Variants in NCAPH observed in about 807,000 individuals in gnomAD.
NCAPH encodes non-SMC condensin I complex subunit H.
NCAPH carries 38 observed loss-of-function variants against 85.5 expected under a neutral mutation model. That is an observed-to-expected ratio of 0.44 (90% CI 0.34 to 0.58). The LOEUF (loss-of-function observed/expected upper bound fraction) is 0.58, where lower values mean the gene tolerates loss of function less well. Ranked by LOEUF, NCAPH falls within the 20% of genes least tolerant of loss-of-function variation. NCAPH has a pLI of 0.01. For missense variants in NCAPH, 789 were observed against 916.6 expected (o/e 0.86, Z 1.80); for synonymous variants, 301 against 335.1 (o/e 0.90, Z 1.11).
chr2:96,342,591 A>G (rs1346653785), intron 3 of NCAPH, among the ~76,000 whole-genome samples, 165 bp from the exon 4 acceptor site: 1 of 152,218 alleles, frequency 6.6e-6, no homozygotes, highest in Non-Finnish European at 1.5e-5. Context: ...ACATGAGGAC[A>G]TGCCTGTGAG....
chr2:96,365,022 A>G (rs2064675750), intron 13 of NCAPH, among the ~76,000 whole-genome samples: 1 of 152,168 alleles, frequency 6.6e-6, no homozygotes. Context: ...TGTATCTCAG[A>G]TGACCAGATT....
At position 96,375,204 on chromosome 2, in the gene NCAPH, T is replaced by A. The variant is rs1344019753; in HGVS notation, c.*1853T>A. On this transcript the variant is annotated 3_prime_UTR_variant, in exon 18 of 18. Coordinates refer to ENST00000240423, the MANE Select transcript of NCAPH (RefSeq NM_015341.5). Reference sequence around the variant, plus strand: ...GCCAGGACAACAGAGTGAGATCCTATCTCTTAAACAAAAAAAAAAACTGGC... The same window carrying A: ...GCCAGGACAACAGAGTGAGATCCTAACTCTTAAACAAAAAAAAAAACTGGC... Among the ~76,000 whole-genome samples, 3 of 151,402 alleles carry A rather than the reference T, an allele frequency of 2.0e-5. No individual in the cohort carries two copies. The highest frequency in any genetic ancestry group is 3.9e-4 in the East Asian group (2 of 5,166).
intron 9 of NCAPH, 94 bp from the exon 10 acceptor site, chr2:96,358,951 C>A: frequency 7.9e-7 from 1 of 1,259,052 alleles, no homozygotes. Context: ...GTATTGGACT[C>A]ACAGAAATGC....
At chr2:96,351,737 A>T in intron 6 of NCAPH, 94 bp from the exon 7 acceptor site, 1 of 1,081,692 alleles carries the variant, frequency 9.2e-7, no homozygotes, top group Non-Finnish European at 1.3e-6. Flanking sequence ...TCCAGTGTAT[A>T]TACCTGCTAA....
Position 96,375,010 on chromosome 2 carries a change from A to T in NCAPH, c.*1659A>T, listed in dbSNP as rs1256847182. Reference sequence around the variant, plus strand: ...GATTGCTTGAAGTCAGGAGTTCAAGACCAGCCTGGGCAAAATAGAACCCCA... The same window carrying T: ...GATTGCTTGAAGTCAGGAGTTCAAGTCCAGCCTGGGCAAAATAGAACCCCA... On this transcript the variant is annotated 3_prime_UTR_variant, in exon 18 of 18. Coordinates refer to ENST00000240423, the MANE Select transcript of NCAPH (RefSeq NM_015341.5). 6.6e-6 allele frequency among the ~76,000 whole-genome samples: 1 copy of T among 152,044 alleles called. No homozygotes were observed. Among genetic ancestry groups the T allele is most frequent in the African/African-American group, 2.4e-5 (1 of 41,358 alleles).
intron 10 of NCAPH, among the ~76,000 whole-genome samples, chr2:96,359,843 C>T (rs1201004967): frequency 6.6e-6 from 1 of 152,164 alleles, no homozygotes; most frequent in East Asian, 1.9e-4. Context: ...AGGCTGGTCT[C>T]GACTCCTGGC....
rs746206766 is a variant in NCAPH, at chr2:96,353,338, A to C, written c.943A>C (p.Ile315Leu). 1 of 1,614,126 alleles carries C rather than the reference A, an allele frequency of 6.2e-7. No individual in the cohort carries two copies. Among genetic ancestry groups the C allele is most frequent in the African/African-American group, 1.3e-5 (1 of 74,944 alleles). The change falls in exon 8 of 18, where the codon ATC becomes CTC. Residue 315 changes from isoleucine (I) to leucine (L), a missense_variant. Coordinates refer to ENST00000240423, the MANE Select transcript of NCAPH (RefSeq NM_015341.5). Reference protein sequence around the residue: ...PLQQCAEDRQICPSLAGFQFT... With the variant: ...PLQQCAEDRQLCPSLAGFQFT... ...GCAGCAGTGTGCAGAAGATCGCCAG[A>C]TCTGCCCTTCCCTGGCCGGGTTCCA...
chr2:96,352,778 A>T (rs1156928998), intron 7 of NCAPH, among the ~76,000 whole-genome samples: 1 of 152,116 alleles, frequency 6.6e-6, no homozygotes. Flanking sequence ...GTTAGCTCCC[A>T]TTCTTGTCAT....
At chr2:96,359,500 C>T (rs532412259) in intron 10 of NCAPH, 69 of 362,502 alleles carry the variant, frequency 1.9e-4, no homozygotes, top group Admixed American at 3.4e-4. Context: ...GCATGACCCC[C>T]GGGCACTAGA....
chr2:96,343,079 A>C, intron 4 of NCAPH, 87 bp from the exon 5 acceptor site: 1 of 1,547,902 alleles, frequency 6.5e-7, no homozygotes, highest in Admixed American at 1.9e-5. Context: ...GGGGCAAGTA[A>C]ATATTTTGTG....
rs143114089 is a variant in NCAPH at position 96,341,891 on chromosome 2, G to A, written c.269G>A (p.Ser90Asn). 502 of 1,608,518 alleles carry A rather than the reference G, an allele frequency of 3.1e-4. 1 individual carries two copies. Among genetic ancestry groups the A allele is most frequent in the Admixed American group, 5.8e-4 (35 of 59,964 alleles). Residue 90 changes from serine to asparagine, a missense_variant, in exon 2 of 18, where the codon AGC becomes AAC. Ser to Asn is a conservative substitution (Grantham distance 46, BLOSUM62 1). Transcript: ENST00000240423. ...CCTCGCTTATTGGCCTCCCCCTCCA[G>A]CAGGTGAGGTGCTCCTGGGCTGTTT... ...DSPRLLASPSSRSIDISATIP... is the reference protein window; with the variant it reads ...DSPRLLASPSNRSIDISATIP...
chr2:96,345,642 G>A (rs1486405418), intron 6 of NCAPH, among the ~76,000 whole-genome samples: 1 of 152,218 alleles, frequency 6.6e-6, no homozygotes, highest in African/African-American at 2.4e-5. Context: ...CACAGCCAAG[G>A]AGAGAGGGTA....
Position 96,373,394 on chromosome 2 carries a change from T to G in NCAPH, c.*43T>G. On this transcript the variant is annotated 3_prime_UTR_variant, in exon 18 of 18. Transcript: ENST00000240423. The stretch of plus-strand genomic sequence containing the variant: ...CAGCAGCAGGAGGCCCATCCCTTAC[T>G]CAGTTGCCGGGACATCCCCAGTCTC... 1.9e-6 allele frequency: 3 copies of G among 1,583,342 alleles called. No homozygotes were observed. The highest frequency in any genetic ancestry group is 1.1e-5 in the South Asian group (1 of 89,924).
chr2:96,361,836 T>A (rs1403899038), intron 12 of NCAPH, among the ~76,000 whole-genome samples: 21 of 143,682 alleles, frequency 1.5e-4, no homozygotes, highest in South Asian at 4.3e-4. Flanking sequence ...ATATTTTTTT[T>A]TTTTTTTCCC....
chr2:96,354,180 C>T lies in NCAPH; in HGVS notation c.1003-3C>T, dbSNP rs1180050618. 1.2e-6 allele frequency: 2 copies of T among 1,612,330 alleles called. No homozygotes were observed. The highest frequency in any genetic ancestry group is 1.1e-5 in the South Asian group (1 of 90,764). The stretch of plus-strand genomic sequence containing the variant: ...ATTACAGAACCCTCTTTTGTCCCTC[C>T]AGTCTGTGTCGGCCCTGGTAGACAA... On this transcript the variant is annotated splice_polypyrimidine_tract_variant and splice_region_variant and intron_variant, in intron 8 of 17. Transcript: ENST00000240423.
chr2:96,360,133 C>CA lies in NCAPH; in HGVS notation c.1358-9dup. The CA allele has an allele frequency of 6.8e-7, 1 of 1,469,200 alleles. No homozygotes were observed. The highest frequency in any genetic ancestry group is 1.4e-5 in the African/African-American group (1 of 71,672). The allele number at this position is 1,469,200 out of a possible 1,614,324, so 91.0% of individuals were successfully genotyped here. ...GAAGTGAAGTGCTGACGTCTGTGTT[C>CA]ACTCTGCAGAAGATGCTCCTTCCCA... On this transcript the variant is annotated splice_polypyrimidine_tract_variant and intron_variant, in intron 10 of 17. Transcript: ENST00000240423.
intron 12 of NCAPH, among the ~76,000 whole-genome samples, chr2:96,361,457 G>A (rs1573088554): frequency 6.6e-6 from 1 of 151,810 alleles, no homozygotes; most frequent in Non-Finnish European, 1.5e-5. Flanking sequence ...GGTGACACAC[G>A]GGCTCACATC....
intron 1 of NCAPH, 98 bp downstream of exon 1, chr2:96,335,946 G>A: frequency 8.1e-7 from 1 of 1,227,692 alleles, no homozygotes; most frequent in Non-Finnish European, 1.1e-6. Context: ...GGGGAGAGAG[G>A]ATATGCTCAG....
chr2:96,346,414 T>A (rs1055143096), intron 6 of NCAPH, among the ~76,000 whole-genome samples: 7 of 152,094 alleles, frequency 4.6e-5, no homozygotes, highest in African/African-American at 1.4e-4. Flanking sequence ...TTATTTTGTG[T>A]CTCTGTCCAG....
Sources: allele counts gnomAD v4.1 joint callset (sites outside exome capture counted in the v4.1 genomes callset), GRCh38; gene constraint gnomAD v4.1.1; transcripts MANE v1.5; gene names NCBI Gene and HGNC (gene_info 2026-07-23, HGNC 2026-07-21).